Variants in COL8A1 observed in about 807,000 individuals in gnomAD.
COL8A1 encodes collagen type VIII alpha 1 chain, also known as collagen alpha-1(VIII) chain.
In COL8A1, 21 loss-of-function variants were observed where a neutral mutation model predicts 42.7. The observed-to-expected ratio is 0.49, with a 90% confidence interval of 0.35 to 0.71. The LOEUF is 0.71. COL8A1 is among the 30% of genes least tolerant of loss of function. COL8A1 has a pLI of 0.01. For synonymous variants in COL8A1, 367 were observed against 369.1 expected (o/e 0.99, Z 0.06); for missense variants, 788 against 962.4 (o/e 0.82, Z 2.40).
intron 1 of COL8A1, among the ~76,000 whole-genome samples, chr3:99,706,130 G>A (rs530730337): frequency 5.9e-5 from 9 of 152,192 alleles, no homozygotes; most frequent in African/African-American, 9.6e-5. Context: ...GGGCAACATC[G>A]TCTCACCTTC....
chr3:99,739,565 CCA>C (rs1279517357), intron 1 of COL8A1, among the ~76,000 whole-genome samples: 1 of 152,144 alleles, frequency 6.6e-6, no homozygotes, highest in Non-Finnish European at 1.5e-5. Context: ...TGCTGTGTAC[CCA>C]CAGACTCAAC....
intron 2 of COL8A1, among the ~76,000 whole-genome samples, chr3:99,778,617 A>T (rs1421920613): frequency 1.3e-4 from 12 of 95,612 alleles, no homozygotes; most frequent in Admixed American, 3.6e-4. Context: ...CTTTTAAAAT[A>T]AAAAAAAAAA....
At chr3:99,666,147 A>G (rs1375804843) in intron 1 of COL8A1, among the ~76,000 whole-genome samples, 1 of 151,890 alleles carries the variant, frequency 6.6e-6, no homozygotes, top group Admixed American at 6.6e-5. Context: ...TCTAAACCCC[A>G]CTCTGAACCT....
In COL8A1 at chr3:99,704,492, A is replaced by G. The variant is rs531650198; in HGVS notation, c.-128-40405A>G. The stretch of plus-strand genomic sequence containing the variant: ...TTTGTTACATATGTATACATGTGCC[A>G]TGTTGGTGTGAAGGCTTATATCTTT... On this transcript the variant is annotated intron_variant, in intron 1 of 3. Coordinates refer to ENST00000652472, the MANE Select transcript of COL8A1 (RefSeq NM_020351.4). Among the ~76,000 whole-genome samples, 5 of 152,084 alleles carry G rather than the reference A, an allele frequency of 3.3e-5. No individual in the cohort carries two copies. The South Asian group carries it at 1.0e-3, about 31-fold the overall frequency.
chr3:99,793,354 A>G (rs935649929), intron 3 of COL8A1, among the ~76,000 whole-genome samples: 1 of 152,194 alleles, frequency 6.6e-6, no homozygotes, highest in African/African-American at 2.4e-5. Flanking sequence ...TCCACATTGT[A>G]TTCATGAATC....
intron 1 of COL8A1, among the ~76,000 whole-genome samples, chr3:99,655,281 G>T (rs1471144466): frequency 6.6e-6 from 1 of 152,128 alleles, no homozygotes; most frequent in Non-Finnish European, 1.5e-5. Flanking sequence ...CACCCACTAG[G>T]TGCCAAAAAG....
intron 1 of COL8A1, among the ~76,000 whole-genome samples, chr3:99,708,947 C>T (rs1939757919): frequency 6.6e-6 from 1 of 151,944 alleles, no homozygotes; most frequent in Non-Finnish European, 1.5e-5. Context: ...GAATGCAACC[C>T]TAAATGTTAC....
intron 1 of COL8A1, among the ~76,000 whole-genome samples, chr3:99,719,796 T>C (rs950784492): frequency 1.4e-4 from 22 of 152,058 alleles, no homozygotes; most frequent in African/African-American, 5.1e-4. Flanking sequence ...TAGATGTCAG[T>C]AGGACTATGA....
chr3:99,668,686 G>C (rs939577891), intron 1 of COL8A1, among the ~76,000 whole-genome samples: 7 of 151,856 alleles, frequency 4.6e-5, no homozygotes, highest in African/African-American at 1.7e-4. Context: ...TTATAAAGTT[G>C]GTGGCAGATG....
intron 1 of COL8A1, among the ~76,000 whole-genome samples, chr3:99,709,894 G>A (rs1939787745): frequency 6.6e-6 from 1 of 152,158 alleles, no homozygotes; most frequent in South Asian, 2.1e-4. Flanking sequence ...GACGCATAAG[G>A]AAATTCCTTT....
In COL8A1 at chr3:99,704,673, A is replaced by G. The variant is rs1939630594; in HGVS notation, c.-128-40224A>G. ...TCCATCCTGCTGTCAGGTTTGGTCC[A>G]TTCTCCAAGCCCTGCAGACTCTGAA... is the stretch of plus-strand genomic sequence containing the variant. On this transcript the variant is annotated intron_variant, in intron 1 of 3. Coordinates refer to ENST00000652472, the MANE Select transcript of COL8A1 (RefSeq NM_020351.4). Among the ~76,000 whole-genome samples, 3 of 152,206 alleles carry G rather than the reference A, an allele frequency of 2.0e-5. No individual in the cohort carries two copies. The South Asian group carries it at 6.2e-4, about 32-fold the overall frequency.
At chr3:99,790,651 C>T (rs1174626196) in intron 2 of COL8A1, 29 bp from the exon 3 acceptor site, 1 of 1,597,528 alleles carries the variant, frequency 6.3e-7, no homozygotes, top group Non-Finnish European at 8.6e-7. Context: ...CAGAGTTTCA[C>T]CAAGTTGGTG....
chr3:99,667,920 G>A (rs549242029), intron 1 of COL8A1, among the ~76,000 whole-genome samples: 4 of 151,932 alleles, frequency 2.6e-5, no homozygotes, highest in Non-Finnish European at 4.4e-5. Context: ...AGCTCCAACT[G>A]ATAGATACAC....
chr3:99,693,873 G>C (rs1026169465), intron 1 of COL8A1, among the ~76,000 whole-genome samples: 2 of 152,084 alleles, frequency 1.3e-5, no homozygotes, highest in Non-Finnish European at 2.9e-5. Flanking sequence ...AGTCCTACAG[G>C]CTCCATTCAT....
intron 1 of COL8A1, among the ~76,000 whole-genome samples, chr3:99,671,783 A>C (rs1354032134): frequency 6.6e-6 from 1 of 152,038 alleles, no homozygotes; most frequent in Non-Finnish European, 1.5e-5. Flanking sequence ...AATTAAAAAT[A>C]GACCTACCAT....
chr3:99,675,686 C>T (rs1206151458), intron 1 of COL8A1: 2 of 152,412 alleles, frequency 1.3e-5, no homozygotes, highest in Admixed American at 6.6e-5. Context: ...CCAACTCACC[C>T]TTGAAGTCAT....
chr3:99,762,716 CA>C (rs755148450), intron 2 of COL8A1, among the ~76,000 whole-genome samples: 8 of 152,206 alleles, frequency 5.3e-5, no homozygotes, highest in Non-Finnish European at 8.8e-5. Flanking sequence ...GGACCCTGAA[CA>C]AAAGCCTGTG....
chr3:99,787,364 G>C (rs1160137739), intron 2 of COL8A1, among the ~76,000 whole-genome samples: 1 of 152,144 alleles, frequency 6.6e-6, no homozygotes, highest in Non-Finnish European at 1.5e-5. Flanking sequence ...CCTTGGTTCA[G>C]CTGTTCTTTT....
chr3:99,795,907 G>A lies in COL8A1; in HGVS notation c.2006G>A (p.Cys669Tyr), dbSNP rs774163244. The stretch of plus-strand genomic sequence containing the variant: ...TACTACTTTGCATACCACGTTCACT[G>A]CAAGGGGGGCAACGTGTGGGTTGCT... ...GVYYFAYHVHCKGGNVWVALF... is the reference protein window; with the variant it reads ...GVYYFAYHVHYKGGNVWVALF... Residue 669 changes from cysteine to tyrosine, a missense_variant, in exon 4 of 4, where the codon TGC becomes TAC. Transcript: ENST00000652472. 5 of 1,614,056 alleles carry A rather than the reference G, an allele frequency of 3.1e-6. No homozygotes were observed. In the African/African-American group the frequency reaches 5.3e-5, roughly 17 times the overall value.
Sources: gnomAD v4.1 joint callset for allele counts (sites outside exome capture counted in the v4.1 genomes callset) on GRCh38, gnomAD v4.1.1 for gene constraint, MANE v1.5 for transcripts, NCBI Gene and HGNC (gene_info 2026-07-23, HGNC 2026-07-21) for gene names.